PLCXD3: variants seen among roughly 807,000 people sequenced by gnomAD.
PLCXD3 encodes the protein phosphatidylinositol specific phospholipase C X domain containing 3.
PLCXD3 carries 19 observed loss-of-function variants against 25.5 expected under a neutral mutation model. The observed-to-expected ratio is 0.75, with a 90% CI of 0.52 to 1.09. The LOEUF is 1.09. PLCXD3 is among the 50% of genes least tolerant of loss of function. The pLI, the probability that PLCXD3 is intolerant of heterozygous loss-of-function variation, is 0.00. For synonymous variants in PLCXD3, 174 were observed against 137.6 expected (o/e 1.26, Z -1.85); for missense variants, 411 against 388.1 (o/e 1.06, Z -0.50).
rs1469597061 is a variant in PLCXD3 at position 41,448,343 on chromosome 5, T to C, written c.103+62081A>G. Among the ~76,000 whole-genome samples, 3 of 152,232 alleles carry C rather than the reference T, an allele frequency of 2.0e-5. 1 individual carries two copies. Among genetic ancestry groups the C allele is most frequent in the Admixed American group, 1.3e-4 (2 of 15,292 alleles). ...GAGGCCAAGCTCAAGGCAGATTTAC[T>C]TGGGCTGAAGCCATCTTTCTTCCCA... On this transcript the variant is annotated intron_variant, in intron 1 of 2. Coordinates refer to ENST00000377801, the MANE Select transcript of PLCXD3 (RefSeq NM_001005473.3).
At chr5:41,316,897 G>T (rs1411986875) in intron 2 of PLCXD3, among the ~76,000 whole-genome samples, 1 of 152,182 alleles carries the variant, frequency 6.6e-6, no homozygotes, top group Non-Finnish European at 1.5e-5. Flanking sequence ...ACTCCAGATG[G>T]CACTTCTGGA....
intron 1 of PLCXD3, among the ~76,000 whole-genome samples, chr5:41,385,948 G>A (rs186336196): frequency 6.6e-5 from 10 of 152,230 alleles, no homozygotes; most frequent in Admixed American, 5.2e-4. Context: ...GCAGCCCTGT[G>A]AGAGAGACCG....
chr5:41,327,652 A>T (rs1247547834), intron 2 of PLCXD3, among the ~76,000 whole-genome samples: 1 of 152,224 alleles, frequency 6.6e-6, no homozygotes, highest in Non-Finnish European at 1.5e-5. Context: ...ATGTAATCTG[A>T]AGAGATAATT....
intron 2 of PLCXD3, among the ~76,000 whole-genome samples, chr5:41,323,820 T>C (rs971973690): frequency 4.6e-5 from 7 of 152,186 alleles, no homozygotes; most frequent in Non-Finnish European, 1.0e-4. Context: ...CCATGAATTA[T>C]GCCTAGATTT....
chr5:41,359,153 A>T (rs182882722), intron 2 of PLCXD3, among the ~76,000 whole-genome samples: 245 of 152,210 alleles, frequency 1.6e-3, no homozygotes, highest in Non-Finnish European at 2.9e-3. Context: ...ATCTATGTTC[A>T]TCAGGGATTT....
At chr5:41,463,055 A>G (rs1467201826) in intron 1 of PLCXD3, among the ~76,000 whole-genome samples, 1 of 152,076 alleles carries the variant, frequency 6.6e-6, no homozygotes, top group Non-Finnish European at 1.5e-5. Flanking sequence ...ATGAATGAAA[A>G]GTAAGAAACT....
rs1261836049 is a variant in PLCXD3, at chr5:41,313,458, T to C, written c.*159A>G. Reference sequence around the variant, plus strand: ...TTTATAGTAATGAAGAGTATGATTGTAATCACTGAAGAAACAGTTTTTCCC... The same window carrying C: ...TTTATAGTAATGAAGAGTATGATTGCAATCACTGAAGAAACAGTTTTTCCC... On this transcript the variant is annotated 3_prime_UTR_variant, in exon 3 of 3. Coordinates refer to ENST00000377801, the MANE Select transcript of PLCXD3 (RefSeq NM_001005473.3). 2.9e-6 allele frequency: 2 copies of C among 698,564 alleles called. No homozygotes were observed. Among genetic ancestry groups the C allele is most frequent in the Non-Finnish European group, 4.6e-6 (2 of 431,102 alleles). 43.3% of individuals were successfully genotyped at this position (698,564 alleles called of 1,614,324 possible).
chr5:41,440,421 CG>C (rs1554050233), intron 1 of PLCXD3, among the ~76,000 whole-genome samples: 3 of 150,984 alleles, frequency 2.0e-5, no homozygotes, highest in Non-Finnish European at 3.0e-5. Context: ...TTAGTAGAGA[CG>C]GGGTTTCACC....
chr5:41,368,681 T>C (rs1346250449), intron 2 of PLCXD3, among the ~76,000 whole-genome samples: 3 of 152,164 alleles, frequency 2.0e-5, no homozygotes, highest in Non-Finnish European at 4.4e-5. Context: ...ATTTGTCCTA[T>C]ATGGCTCTTA....
intron 2 of PLCXD3, among the ~76,000 whole-genome samples, chr5:41,349,025 A>G (rs1178681547): frequency 6.6e-6 from 1 of 152,198 alleles, no homozygotes; most frequent in Non-Finnish European, 1.5e-5. Flanking sequence ...GGATGATTTT[A>G]ATGTGATTTA....
At chr5:41,317,856 G>A (rs746425216) in intron 2 of PLCXD3, among the ~76,000 whole-genome samples, 1 of 152,008 alleles carries the variant, frequency 6.6e-6, no homozygotes, top group East Asian at 1.9e-4. Context: ...AATGAAGCAT[G>A]CCTACAGGAT....
chr5:41,492,392 T>C (rs1246330420), intron 1 of PLCXD3, among the ~76,000 whole-genome samples: 1 of 152,088 alleles, frequency 6.6e-6, no homozygotes, highest in East Asian at 1.9e-4. Context: ...TCAACTTTGG[T>C]GAATCTGACA....
intron 1 of PLCXD3, among the ~76,000 whole-genome samples, chr5:41,425,277 A>G (rs377501807): frequency 6.6e-6 from 1 of 152,174 alleles, no homozygotes; most frequent in East Asian, 1.9e-4. Flanking sequence ...CATATAATAT[A>G]AAAGTGAATC....
intron 2 of PLCXD3, among the ~76,000 whole-genome samples, chr5:41,375,183 G>A (rs999259333): frequency 3.3e-5 from 5 of 152,086 alleles, no homozygotes; most frequent in Admixed American, 2.0e-4. Context: ...AAGAGAAAGA[G>A]AGAGAGAGCC....
intron 2 of PLCXD3, among the ~76,000 whole-genome samples, chr5:41,331,530 T>C (rs1743804035): frequency 6.6e-6 from 1 of 152,296 alleles, no homozygotes; most frequent in East Asian, 1.9e-4. Context: ...AGGTAATTTG[T>C]AGATTCAAGG....
At chr5:41,334,172 T>G (rs1295650770) in intron 2 of PLCXD3, among the ~76,000 whole-genome samples, 1 of 152,158 alleles carries the variant, frequency 6.6e-6, no homozygotes, top group Non-Finnish European at 1.5e-5. Flanking sequence ...AGTAGAGTAA[T>G]GTACTTTATT....
At chr5:41,318,778 A>C (rs1743374112) in intron 2 of PLCXD3, among the ~76,000 whole-genome samples, 1 of 152,114 alleles carries the variant, frequency 6.6e-6, no homozygotes, top group Non-Finnish European at 1.5e-5. Context: ...AATGGACTAA[A>C]CTCTCCAATC....
At chr5:41,498,422 A>G (rs933426795) in intron 1 of PLCXD3, among the ~76,000 whole-genome samples, 3 of 151,746 alleles carry the variant, frequency 2.0e-5, no homozygotes, top group Admixed American at 6.6e-5. Context: ...AAACCAGAGG[A>G]AATGAATAAA....
intron 2 of PLCXD3, among the ~76,000 whole-genome samples, chr5:41,343,937 A>G (rs1580313246): frequency 6.6e-6 from 1 of 152,122 alleles, no homozygotes; most frequent in South Asian, 2.1e-4. Context: ...TCAGGCTTCC[A>G]TTTCAACTTC....
Sources: gnomAD v4.1 joint callset for allele counts (sites outside exome capture counted in the v4.1 genomes callset) on GRCh38, gnomAD v4.1.1 for gene constraint, MANE v1.5 for transcripts, NCBI Gene and HGNC (gene_info 2026-07-23, HGNC 2026-07-21) for gene names.